RNF8: variants seen among roughly 807,000 people sequenced by gnomAD.
RNF8 encodes ring finger protein 8.
RNF8 carries 8 observed loss-of-function variants against 59.3 expected under a neutral mutation model. That is an observed-to-expected ratio of 0.13 (90% CI 0.08 to 0.24). The LOEUF (loss-of-function observed/expected upper bound fraction) is 0.24. Ranked by LOEUF, RNF8 falls within the 10% of genes least tolerant of loss-of-function variation. The pLI, the probability that RNF8 is intolerant of heterozygous loss-of-function variation, is 1.00. For synonymous variants in RNF8, 162 were observed against 200.0 expected (o/e 0.81, Z 1.60); for missense variants, 406 against 572.6 (o/e 0.71, Z 2.97).
Position 37,354,086 on chromosome 6 carries a change from C to G in RNF8, c.-79C>G. The G allele has an allele frequency of 1.7e-6, 2 of 1,149,316 alleles. No individual in the cohort carries two copies. The highest frequency in any genetic ancestry group is 2.6e-6 in the Non-Finnish European group (2 of 781,938). The allele number at this position is 1,149,316 out of a possible 1,614,324, so 71.2% of individuals were successfully genotyped here. A position where few individuals can be genotyped will look rare whatever the true frequency, so the allele number is the denominator to read the frequency against. On this transcript the variant is annotated 5_prime_UTR_variant, in exon 1 of 8. Transcript: ENST00000373479. ...TCTGTCTGTTATTTAGATATGGAAG[C>G]TGAGGGGATGCACAGAGGCAGCCAG...
rs367887168 is a variant in RNF8 at position 37,368,637 on chromosome 6, A to G, written c.394A>G (p.Ile132Val). 3.5e-5 allele frequency: 57 copies of G among 1,614,058 alleles called. No individual in the cohort carries two copies. Among genetic ancestry groups the G allele is most frequent in the East Asian group, 6.7e-5 (3 of 44,898 alleles). Residue 132 changes from isoleucine (I) to valine (V), a missense_variant, in exon 3 of 8, where the codon ATA becomes GTA. This residue lies in a region of RNF8 where 285 missense variants were observed against 342.0 expected (regional missense o/e 0.83). Transcript: ENST00000373479. ...YEVTEEDWET[I>V]YPCLSPKNDQ... ...AGTTACTGAAGAAGACTGGGAGACAATATATCCTTGTCTTTCCCCAAAGAA... is the reference window on the plus strand; with the variant it reads ...AGTTACTGAAGAAGACTGGGAGACAGTATATCCTTGTCTTTCCCCAAAGAA...
At chr6:37,385,762 T>C (rs889075935) in intron 7 of RNF8, among the ~76,000 whole-genome samples, 1 of 152,154 alleles carries the variant, frequency 6.6e-6, no homozygotes, top group African/African-American at 2.4e-5. Flanking sequence ...CCTATTCATC[T>C]CCCTTCTTTT....
chr6:37,362,212 T>G (rs968717811), intron 2 of RNF8, among the ~76,000 whole-genome samples: 11 of 152,188 alleles, frequency 7.2e-5, no homozygotes, highest in African/African-American at 2.4e-4. Context: ...TTTTCTTAAT[T>G]ATGTGCAGTG....
At position 37,354,322 on chromosome 6, in the gene RNF8, A is replaced by C. The variant is rs557676855; in HGVS notation, c.111+47A>C. 22 of 1,412,164 alleles carry C rather than the reference A, an allele frequency of 1.6e-5. No homozygotes were observed. In the Admixed American group the frequency reaches 5.0e-4, roughly 32 times the overall value. The allele number at this position is 1,412,164 out of a possible 1,614,324, so 87.5% of individuals were successfully genotyped here. ...GGAGCGGAGGGCAGGGGCTGGAGGG[A>C]GCGGGGCTCCGGGGAGGGAGGAAGG... On this transcript the variant is annotated intron_variant, in intron 1 of 7. Transcript: ENST00000373479.
At chr6:37,379,326 T>C (rs1187751138) in intron 6 of RNF8, among the ~76,000 whole-genome samples, 3 of 152,134 alleles carry the variant, frequency 2.0e-5, no homozygotes, top group African/African-American at 7.2e-5. Context: ...TTTTATCAGA[T>C]AGGTTTTCAG....
chr6:37,375,686 A>G (rs1336324754), intron 5 of RNF8, among the ~76,000 whole-genome samples: 2 of 152,198 alleles, frequency 1.3e-5, no homozygotes, highest in Non-Finnish European at 2.9e-5. Flanking sequence ...GAATTTGACT[A>G]TGGTTAGAAA....
At chr6:37,373,071 A>G (rs781489652) in intron 4 of RNF8, among the ~76,000 whole-genome samples, 35 of 152,198 alleles carry the variant, frequency 2.3e-4, no homozygotes, top group Non-Finnish European at 3.7e-4. Flanking sequence ...TACTTTTGAA[A>G]GCTGTTCTTT....
intron 7 of RNF8, among the ~76,000 whole-genome samples, chr6:37,386,932 T>C (rs1424137893): frequency 6.6e-6 from 1 of 152,224 alleles, no homozygotes; most frequent in East Asian, 1.9e-4. Flanking sequence ...TGGATCCTCT[T>C]TCCCTCCTAA....
rs748546391 is a variant in RNF8 at position 37,376,979 on chromosome 6, T to C, written c.1182T>C (p.Asn394=). Residue 394 remains asparagine (N), a synonymous_variant, in exon 6 of 8, where the codon AAT becomes AAC. Transcript: ENST00000373479. The stretch of plus-strand genomic sequence containing the variant: ...AGGAAGAAGTTCTTAGCCACATGAA[T>C]GATGTGCTAGAGAATGAGCTCCAAT... The part of the protein sequence containing the change: ...AQKEEVLSHM[N]DVLENELQCI... 1.2e-6 allele frequency: 2 copies of C among 1,612,780 alleles called. No individual in the cohort carries two copies. The highest frequency in any genetic ancestry group is 1.7e-5 in the Admixed American group (1 of 59,916).
intron 1 of RNF8, among the ~76,000 whole-genome samples, chr6:37,358,195 C>A (rs1040898883): frequency 4.6e-5 from 7 of 152,030 alleles, no homozygotes; most frequent in African/African-American, 1.7e-4. Context: ...GGAACAACAA[C>A]AACAAAAAAG....
chr6:37,367,921 A>G (rs1235170469), intron 2 of RNF8, among the ~76,000 whole-genome samples: 2 of 152,214 alleles, frequency 1.3e-5, no homozygotes, highest in Non-Finnish European at 2.9e-5. Context: ...CTTAACCGCT[A>G]TCCTGTATTG....
intron 7 of RNF8, among the ~76,000 whole-genome samples, chr6:37,383,924 C>G (rs1326958652): frequency 1.3e-5 from 2 of 152,118 alleles, no homozygotes; most frequent in Admixed American, 6.5e-5. Flanking sequence ...GTCAGCTCCT[C>G]CCCTCCCGTT....
intron 5 of RNF8, among the ~76,000 whole-genome samples, 156 bp downstream of exon 5, chr6:37,374,865 G>A (rs1478937738): frequency 6.6e-6 from 1 of 152,178 alleles, no homozygotes; most frequent in Non-Finnish European, 1.5e-5. Context: ...CCTATAGCAG[G>A]TTCTGCCTGT....
At chr6:37,359,200 C>G (rs952553295) in intron 1 of RNF8, 4 of 455,376 alleles carry the variant, frequency 8.8e-6, no homozygotes, top group African/African-American at 2.0e-5. Context: ...ATGAACTAGA[C>G]TGGTCCAACA....
At chr6:37,366,700 G>A (rs1769568499) in intron 2 of RNF8, among the ~76,000 whole-genome samples, 1 of 152,146 alleles carries the variant, frequency 6.6e-6, no homozygotes, top group African/African-American at 2.4e-5. Context: ...TATTTGGGTT[G>A]ACTGGAGATT....
chr6:37,393,792 T>G lies in RNF8; in HGVS notation c.*3034T>G, dbSNP rs1455775921. 6.6e-6 allele frequency: 1 copy of G among 152,242 alleles called. No homozygotes were observed. 9.4% of individuals were successfully genotyped at this position (152,242 alleles called of 1,614,324 possible). On this transcript the variant is annotated 3_prime_UTR_variant, in exon 8 of 8. Transcript: ENST00000373479. ...GATACCCATCATCTGTTTCTCTGAT[T>G]GGAAGCTGCTGTTGTACAGAAAGAC... is the stretch of plus-strand genomic sequence containing the variant.
chr6:37,378,620 AAAAG>A (rs1438909492), intron 6 of RNF8, among the ~76,000 whole-genome samples: 4 of 151,806 alleles, frequency 2.6e-5, no homozygotes, highest in African/African-American at 2.4e-5. Flanking sequence ...AAAAAAAAAA[AAAAG>A]AAAAACATAT....
chr6:37,380,064 C>T (rs1770188644), intron 6 of RNF8, among the ~76,000 whole-genome samples: 1 of 152,106 alleles, frequency 6.6e-6, no homozygotes, highest in Non-Finnish European at 1.5e-5. Flanking sequence ...CAGACTGTGC[C>T]ACCATGCCTG....
At chr6:37,357,430 A>G (rs2113812917) in intron 1 of RNF8, among the ~76,000 whole-genome samples, 1 of 152,326 alleles carries the variant, frequency 6.6e-6, no homozygotes, top group Admixed American at 6.5e-5. Flanking sequence ...CTGTTTTGGT[A>G]CTGTTTTCCC....
Sources: gnomAD v4.1 joint callset for allele counts (sites outside exome capture counted in the v4.1 genomes callset) on GRCh38, gnomAD v4.1.1 for gene constraint, gnomAD v4.1.1 regional missense constraint, MANE v1.5 for transcripts, NCBI Gene and HGNC (gene_info 2026-07-23, HGNC 2026-07-21) for gene names.